CBFA2T2: variants seen among roughly 807,000 people sequenced by gnomAD.
CBFA2T2 encodes protein CBFA2T2.
CBFA2T2 carries 11 observed loss-of-function variants against 62.2 expected under a neutral mutation model. That is an observed-to-expected ratio of 0.18 (90% CI 0.11 to 0.29). The LOEUF (loss-of-function observed/expected upper bound fraction) is 0.29. Ranked by LOEUF, CBFA2T2 falls within the 10% of genes least tolerant of loss-of-function variation. CBFA2T2 has a pLI of 1.00. For missense variants in CBFA2T2, 592 were observed against 774.1 expected (o/e 0.76, Z 2.79); for synonymous variants, 295 against 287.5 (o/e 1.03, Z -0.27).
At chr20:33,494,241 GTGTATA>G (rs1240503052) in intron 1 of CBFA2T2, among the ~76,000 whole-genome samples, 7,452 of 41,770 alleles carry the variant, frequency 0.18, 1,942 homozygotes, top group South Asian at 0.36. Flanking sequence ...GCATATATAT[GTGTATA>G]TATATATATA....
rs529968402 is a variant in CBFA2T2, at chr20:33,511,921, T to A, written c.34+21620T>A. Among the ~76,000 whole-genome samples the A allele has an allele frequency of 1.9e-3, 282 of 152,210 alleles. 1 individual carries two copies. The highest frequency in any genetic ancestry group is 6.3e-3 in the African/African-American group (263 of 41,538). ...GGCTGGGCACAGTGGCTTACGCCTG[T>A]AATCCCAGCACTTTGGAAGGCCAAG... On this transcript the variant is annotated intron_variant, in intron 1 of 10. Transcript: ENST00000342704.
chr20:33,611,186 T>C lies in CBFA2T2; in HGVS notation c.271T>C (p.Ser91Pro). 6.2e-7 allele frequency: 1 copy of C among 1,614,170 alleles called. No individual in the cohort carries two copies. Among genetic ancestry groups the C allele is most frequent in the Non-Finnish European group, 8.5e-7 (1 of 1,180,022 alleles). Residue 91 changes from serine (S) to proline (P), a missense_variant, in exon 3 of 11, where the codon TCT (serine) becomes CCT (proline). Physicochemically the swap from Ser to Pro is moderately conservative, Grantham distance 74 (BLOSUM62 -1). Around this residue, in one of 3 missense-constraint regions of CBFA2T2, gnomAD observed 449 missense variants for 551.2 expected, o/e 0.81. Coordinates refer to ENST00000342704, the MANE Select transcript of CBFA2T2 (RefSeq NM_001032999.3). Reference protein sequence around the residue: ...FSNGPASSTSSALTNQQLPAT... With the variant: ...FSNGPASSTSPALTNQQLPAT... ...CAATGGTCCTGCCTCCTCCACATCA[T>C]CTGCACTCACAAATCAGCAATTGCC...
chr20:33,522,202 A>G (rs2011748241), intron 1 of CBFA2T2, among the ~76,000 whole-genome samples: 1 of 152,184 alleles, frequency 6.6e-6, no homozygotes, highest in Non-Finnish European at 1.5e-5. Context: ...GAGAAAACCA[A>G]GAGCTACAGA....
At chr20:33,574,262 G>A (rs1428770719) in intron 1 of CBFA2T2, 2 of 1,610,342 alleles carry the variant, frequency 1.2e-6, no homozygotes, top group East Asian at 4.5e-5. Context: ...CAATGGAAAG[G>A]TATGTGTGAA....
chr20:33,619,551 A>C lies in CBFA2T2; in HGVS notation c.455A>C (p.Lys152Thr). ...GTGACAATTGAGGAATTCCACTGTA[A>C]GCTCCAAGAAGCCACAAACTTTCCC... ...STVTIEEFHC[K>T]LQEATNFPLR... The change falls in exon 4 of 11, where the codon AAG (lysine) becomes ACG (threonine). Residue 152 changes from lysine to threonine, a missense_variant. Lys to Thr is a moderately conservative substitution (Grantham distance 78). Coordinates refer to ENST00000342704, the MANE Select transcript of CBFA2T2 (RefSeq NM_001032999.3). The C allele has an allele frequency of 6.2e-7, 1 of 1,608,792 alleles. No individual in the cohort carries two copies. Among genetic ancestry groups the C allele is most frequent in the Non-Finnish European group, 8.5e-7 (1 of 1,177,948 alleles).
rs765237844 is a variant in CBFA2T2 at position 33,623,136 on chromosome 20, C to T, written c.532C>T (p.Arg178Trp). 5 of 1,614,124 alleles carry T rather than the reference C, an allele frequency of 3.1e-6. No homozygotes were observed. Among genetic ancestry groups the T allele is most frequent in the African/African-American group, 2.7e-5 (2 of 74,950 alleles). Residue 178 changes from arginine to tryptophan, a missense_variant, in exon 5 of 11, where the codon CGG becomes TGG. Transcript: ENST00000342704. ...CAAGGCCAACCTGCCCCTGCTGCAG[C>T]GGGAACTGCTGCACTGCGCTCGGGC... Reference protein sequence around the residue: ...FLKANLPLLQRELLHCARAAK... With the variant: ...FLKANLPLLQWELLHCARAAK...
chr20:33,514,206 GTTTTTTTT>G (rs1196003433), intron 1 of CBFA2T2, among the ~76,000 whole-genome samples: 1 of 53,330 alleles, frequency 1.9e-5, no homozygotes, highest in Non-Finnish European at 3.5e-5. Context: ...CCCTGCCTTT[GTTTTTTTT>G]TTTTTTTTTT....
chr20:33,497,813 GC>G (rs1255276920), intron 1 of CBFA2T2, among the ~76,000 whole-genome samples: 1 of 152,060 alleles, frequency 6.6e-6, no homozygotes, highest in African/African-American at 2.4e-5. Flanking sequence ...CTCCCAAAGT[GC>G]TGGGATTACA....
chr20:33,649,542 C>G lies in CBFA2T2; in HGVS notation c.*4896C>G, dbSNP rs1028833789. The G allele has an allele frequency of 1.3e-5, 2 of 152,472 alleles. No homozygotes were observed. The highest frequency in any genetic ancestry group is 1.3e-4 in the Admixed American group (2 of 15,278). The allele number at this position is 152,472 out of a possible 1,614,324, so 9.4% of individuals were successfully genotyped here. ...CTGAGGTGGAGCTTCCCTCACAGAC[C>G]CCATCTGGTCGAGCCTACGGCTGCC... On this transcript the variant is annotated 3_prime_UTR_variant, in exon 11 of 11. Coordinates refer to ENST00000342704, the MANE Select transcript of CBFA2T2 (RefSeq NM_001032999.3).
intron 1 of CBFA2T2, among the ~76,000 whole-genome samples, chr20:33,512,351 A>G (rs1187964264): frequency 1.3e-5 from 2 of 152,152 alleles, no homozygotes; most frequent in African/African-American, 2.4e-5. Context: ...ACTCCCTCTC[A>G]ACAAAAAAAA....
At chr20:33,548,239 A>T (rs1445691610) in intron 1 of CBFA2T2, among the ~76,000 whole-genome samples, 1 of 150,898 alleles carries the variant, frequency 6.6e-6, no homozygotes, top group Non-Finnish European at 1.5e-5. Flanking sequence ...GGGAGTTTTT[A>T]TTTTTATTTT....
At chr20:33,599,470 A>C (rs943702899) in intron 1 of CBFA2T2, among the ~76,000 whole-genome samples, 1 of 152,364 alleles carries the variant, frequency 6.6e-6, no homozygotes, top group East Asian at 1.9e-4. Flanking sequence ...TAAACATGGA[A>C]TGTAAAAAAT....
chr20:33,592,244 T>C (rs991046456), intron 1 of CBFA2T2, among the ~76,000 whole-genome samples: 48 of 151,918 alleles, frequency 3.2e-4, no homozygotes, highest in African/African-American at 1.2e-3. Flanking sequence ...GCGTCTGTAA[T>C]CCCAGCTACT....
intron 1 of CBFA2T2, among the ~76,000 whole-genome samples, chr20:33,529,562 G>C (rs1416713180): frequency 5.9e-5 from 9 of 151,442 alleles, no homozygotes; most frequent in Non-Finnish European, 1.2e-4. Flanking sequence ...CTTGAGCCCA[G>C]GAGTTTGAGA....
At chr20:33,605,921 C>T (rs1203540276) in intron 1 of CBFA2T2, among the ~76,000 whole-genome samples, 2 of 151,830 alleles carry the variant, frequency 1.3e-5, no homozygotes, top group East Asian at 3.9e-4. Context: ...CAGGTTCAAG[C>T]GATTCTCTTG....
At chr20:33,523,497 A>T (rs1036154243) in intron 1 of CBFA2T2, among the ~76,000 whole-genome samples, 4 of 152,006 alleles carry the variant, frequency 2.6e-5, no homozygotes, top group East Asian at 1.9e-4. Flanking sequence ...AAAAGCATTT[A>T]AAAAAATGGG....
Position 33,621,287 on chromosome 20 carries a change from C to CTTTTTTTTTTTTTTTTTTTT in CBFA2T2, c.510+1688_510+1707dup, listed in dbSNP as rs199805350. On this transcript the variant is annotated intron_variant, in intron 4 of 10. Coordinates refer to ENST00000342704, the MANE Select transcript of CBFA2T2 (RefSeq NM_001032999.3). ...TCTATAATACCTTTAATTTTACTGC[C>CTTTTTTTTTTTTTTTTTTTT]TTTTTTTTTTTTTTTTTTTTTTTTT... is the stretch of plus-strand genomic sequence containing the variant. Among the ~76,000 whole-genome samples the CTTTTTTTTTTTTTTTTTTTT allele has an allele frequency of 1.5e-3, 125 of 85,294 alleles. 10 individuals are homozygous for CTTTTTTTTTTTTTTTTTTTT. The highest frequency in any genetic ancestry group is 3.5e-3 in the African/African-American group (67 of 19,294). The allele number at this position is 85,294 out of a possible 152,430, so 56.0% of individuals were successfully genotyped here.
At chr20:33,592,690 G>A (rs1035101391) in intron 1 of CBFA2T2, among the ~76,000 whole-genome samples, 1 of 151,344 alleles carries the variant, frequency 6.6e-6, no homozygotes, top group South Asian at 2.1e-4. Context: ...TAGTGTCTTC[G>A]AGAAAAAAAA....
chr20:33,526,280 GTAAA>G (rs1298346328), intron 1 of CBFA2T2, among the ~76,000 whole-genome samples: 1 of 152,094 alleles, frequency 6.6e-6, no homozygotes, highest in Non-Finnish European at 1.5e-5. Flanking sequence ...TTTAAAATAA[GTAAA>G]TAAATAAGGT....
Sources: gnomAD v4.1 joint callset for allele counts (sites outside exome capture counted in the v4.1 genomes callset) on GRCh38, gnomAD v4.1.1 for gene constraint, gnomAD v4.1.1 regional missense constraint, MANE v1.5 for transcripts, NCBI Gene and HGNC (gene_info 2026-07-23, HGNC 2026-07-21) for gene names.